MAGI2: variants seen among roughly 807,000 people sequenced by gnomAD.
MAGI2 encodes membrane-associated guanylate kinase, WW and PDZ domain-containing protein 2.
In MAGI2, 35 loss-of-function variants were observed where a neutral mutation model predicts 133.3. The observed-to-expected ratio is 0.26, with a 90% CI of 0.20 to 0.35. The LOEUF is 0.35. Among genes scored for constraint, MAGI2 ranks in the 10% least tolerant of loss-of-function variants. The pLI is 1.00. For synonymous variants in MAGI2, 729 were observed against 710.6 expected, an observed-to-expected ratio of 1.03 and a Z score of -0.41; for missense variants, 1,636 against 1,863.4, an observed-to-expected ratio of 0.88 and a Z score of 2.25.
intron 2 of MAGI2, among the ~76,000 whole-genome samples, chr7:78,756,886 G>A (rs11980954): frequency 0.42 from 63,406 of 151,860 alleles, 13,609 homozygotes; most frequent in Non-Finnish European, 0.47. Flanking sequence ...CAGCTCTGTC[G>A]TCTTATCTTA....
chr7:78,214,392 C>T (rs779394833), intron 10 of MAGI2, among the ~76,000 whole-genome samples: 4 of 152,152 alleles, frequency 2.6e-5, no homozygotes, highest in Non-Finnish European at 4.4e-5. Context: ...TGCCATCCTC[C>T]ATTTAAAAAT....
intron 9 of MAGI2, among the ~76,000 whole-genome samples, chr7:78,324,568 A>T (rs1788384206): frequency 6.8e-6 from 1 of 147,976 alleles, no homozygotes; most frequent in Non-Finnish European, 1.5e-5. Context: ...TTATATATTA[A>T]GAATGTGGCA....
chr7:78,032,590 A>G (rs542918852), intron 21 of MAGI2, among the ~76,000 whole-genome samples: 11 of 152,202 alleles, frequency 7.2e-5, no homozygotes, highest in Admixed American at 3.3e-4. Flanking sequence ...GAAGAAAGCA[A>G]TATTTCTGTC....
intron 19 of MAGI2, among the ~76,000 whole-genome samples, chr7:78,126,193 G>GGT (rs3085805): frequency 0.014 from 2,126 of 149,098 alleles, 26 homozygotes; most frequent in South Asian, 0.027. Context: ...ATAAATGTCA[G>GGT]GTGTGTGTGT....
At chr7:78,450,855 G>A (rs190618025) in intron 6 of MAGI2, among the ~76,000 whole-genome samples, 14 of 152,132 alleles carry the variant, frequency 9.2e-5, no homozygotes, top group Admixed American at 7.2e-4. Context: ...TCAATACTTG[G>A]TCTGGCATAG....
chr7:78,613,293 T>TTAGTTAAA (rs1275529369), intron 3 of MAGI2, among the ~76,000 whole-genome samples: 14 of 152,226 alleles, frequency 9.2e-5, no homozygotes, highest in Non-Finnish European at 1.9e-4. Flanking sequence ...AGATAAATCA[T>TTAGTTAAA]TTTAGTTAAA....
At chr7:78,359,382 G>A (rs887600300) in intron 7 of MAGI2, 1 of 152,228 alleles carries the variant, frequency 6.6e-6, no homozygotes, top group Non-Finnish European at 1.5e-5. Context: ...GTGTGACCAA[G>A]AGGTGGCAGG....
At chr7:78,022,233 C>T (rs190146219) in intron 21 of MAGI2, among the ~76,000 whole-genome samples, 52 of 152,290 alleles carry the variant, frequency 3.4e-4, no homozygotes, top group African/African-American at 1.1e-3. Context: ...CGAGATACAG[C>T]TTAGAAGAGT....
chr7:78,489,902 A>C, intron 5 of MAGI2, 62 bp from the exon 6 acceptor site: 1 of 1,153,080 alleles, frequency 8.7e-7, no homozygotes, highest in Middle Eastern at 2.0e-4. Flanking sequence ...TTTATTCCTT[A>C]AGAAAAAAAA....
intron 2 of MAGI2, among the ~76,000 whole-genome samples, chr7:78,829,703 T>C (rs1342092641): frequency 1.3e-5 from 2 of 152,098 alleles, no homozygotes; most frequent in Non-Finnish European, 2.9e-5. Context: ...ACCATCATGA[T>C]TGAAACTACT....
At chr7:79,410,814 G>A (rs1038061771) in intron 1 of MAGI2, 2 of 151,958 alleles carry the variant, frequency 1.3e-5, no homozygotes, top group Non-Finnish European at 2.9e-5. Flanking sequence ...TCAAGGTGTT[G>A]AAAGGAAAAA....
intron 2 of MAGI2, among the ~76,000 whole-genome samples, chr7:78,682,417 CCT>C (rs781521455): frequency 3.9e-5 from 6 of 152,092 alleles, no homozygotes; most frequent in Non-Finnish European, 5.9e-5. Flanking sequence ...TGCTCCCCTC[CCT>C]GTGTCCATGT....
At chr7:78,306,763 T>C (rs896544172) in intron 9 of MAGI2, among the ~76,000 whole-genome samples, 1 of 152,184 alleles carries the variant, frequency 6.6e-6, no homozygotes, top group African/African-American at 2.4e-5. Flanking sequence ...GCCATTTCTA[T>C]CCTGAATTAA....
chr7:79,134,489 T>G (rs1267610539), intron 1 of MAGI2, among the ~76,000 whole-genome samples: 1 of 152,156 alleles, frequency 6.6e-6, no homozygotes, highest in Non-Finnish European at 1.5e-5. Context: ...GTTGGTATAA[T>G]GTATCTCAGC....
chr7:78,430,239 C>G (rs964903001), intron 6 of MAGI2, among the ~76,000 whole-genome samples: 1 of 95,762 alleles, frequency 1.0e-5, no homozygotes, highest in South Asian at 2.9e-4. Context: ...TCTGGAAAAG[C>G]CTTTTTTTTT....
intron 7 of MAGI2, among the ~76,000 whole-genome samples, chr7:78,351,336 G>A (rs987903642): frequency 6.6e-6 from 1 of 152,002 alleles, no homozygotes; most frequent in Non-Finnish European, 1.5e-5. Context: ...GCAAAATCCC[G>A]TCTCTACTAA....
rs34049134 is a variant in MAGI2, at chr7:79,032,519, G to GAAA, written c.302-25316_302-25314dup. On this transcript the variant is annotated intron_variant, in intron 1 of 21. Coordinates refer to ENST00000354212, the MANE Select transcript of MAGI2 (RefSeq NM_012301.4). ...GGTGACAGAGCAAGACTCTGACTCAGAAAAAAAAAAAAAAAAGACTGCAGG... is the reference window on the plus strand; with the variant it reads ...GGTGACAGAGCAAGACTCTGACTCAGAAAAAAAAAAAAAAAAAAAGACTGCAGG... Among the ~76,000 whole-genome samples, 30 of 118,222 alleles carry GAAA rather than the reference G, an allele frequency of 2.5e-4. 1 individual carries two copies. The highest frequency in any genetic ancestry group is 4.9e-4 in the African/African-American group (16 of 32,698). 77.6% of individuals were successfully genotyped at this position (118,222 alleles called of 152,430 possible). A position where few individuals can be genotyped will look rare whatever the true frequency, so the allele number is the denominator to read the frequency against.
At chr7:79,171,780 T>A (rs1340302356) in intron 1 of MAGI2, among the ~76,000 whole-genome samples, 35 of 53,412 alleles carry the variant, frequency 6.6e-4, no homozygotes, top group African/African-American at 1.2e-3. Context: ...ATTTTTTTTT[T>A]TTTTTTCTTT....
intron 9 of MAGI2, among the ~76,000 whole-genome samples, chr7:78,325,773 C>T (rs868775759): frequency 3.9e-5 from 6 of 152,174 alleles, no homozygotes; most frequent in African/African-American, 1.4e-4. Context: ...AGCCACAGGG[C>T]AAGGGAGCCC....
Sources: allele counts gnomAD v4.1 joint callset (sites outside exome capture counted in the v4.1 genomes callset), GRCh38; gene constraint gnomAD v4.1.1; transcripts MANE v1.5; gene names NCBI Gene and HGNC (gene_info 2026-07-23, HGNC 2026-07-21).